Variants in MET observed in about 807,000 individuals in gnomAD.
MET encodes the protein hepatocyte growth factor receptor.
A neutral mutation model predicts 133.1 loss-of-function variants in MET; 48 were observed. The observed-to-expected ratio is 0.36, with a 90% confidence interval of 0.29 to 0.46. MET has a LOEUF of 0.46. Among genes scored for constraint, MET ranks in the 20% least tolerant of loss-of-function variants. The pLI, the probability that MET is intolerant of heterozygous loss-of-function variation, is 1.00. For synonymous variants in MET, 628 were observed against 616.5 expected (o/e 1.02, Z -0.28); for missense variants, 1,442 against 1,695.9 (o/e 0.85, Z 2.63).
intron 2 of MET, among the ~76,000 whole-genome samples, chr7:116,712,969 A>G (rs1233186975): frequency 6.6e-6 from 1 of 152,224 alleles, no homozygotes; most frequent in African/African-American, 2.4e-5. Flanking sequence ...GAGGGACTTT[A>G]CGCAATGCTT....
intron 1 of MET, among the ~76,000 whole-genome samples, chr7:116,675,139 T>C (rs1796112356): frequency 6.6e-6 from 1 of 152,238 alleles, no homozygotes; most frequent in Non-Finnish European, 1.5e-5. Context: ...CTAATGTTAG[T>C]TCAGAATCAC....
chr7:116,687,072 G>T (rs936510159), intron 1 of MET, among the ~76,000 whole-genome samples: 2 of 152,192 alleles, frequency 1.3e-5, no homozygotes, highest in Admixed American at 6.5e-5. Context: ...TCCCAGTCAA[G>T]GGGCAACACC....
Position 116,740,247 on chromosome 7 carries a change from T to C in MET, c.1527+163T>C, listed in dbSNP as rs947084711. ...TTCCAGAGATCTTCTGAAATCTAGT[T>C]AATTTGTTCTCCAAGAAAGACTAGA... On this transcript the variant is annotated intron_variant, in intron 4 of 20. Coordinates refer to ENST00000397752, the MANE Select transcript of MET (RefSeq NM_000245.4). 3 of 817,264 alleles carry C rather than the reference T, an allele frequency of 3.7e-6. No individual in the cohort carries two copies. The African/African-American group carries it at 5.1e-5, about 14-fold the overall frequency. 50.6% of individuals were successfully genotyped at this position (817,264 alleles called of 1,614,324 possible).
intron 1 of MET, among the ~76,000 whole-genome samples, chr7:116,675,657 G>A (rs976929352): frequency 3.3e-5 from 5 of 151,926 alleles, no homozygotes; most frequent in African/African-American, 1.2e-4. Context: ...TTCCATGGAG[G>A]CATCATTAGG....
At chr7:116,711,856 C>T (rs1435274497) in intron 2 of MET, among the ~76,000 whole-genome samples, 2 of 152,280 alleles carry the variant, frequency 1.3e-5, no homozygotes, top group East Asian at 1.9e-4. Context: ...TCCTCCTTCA[C>T]GCCCAGTGAT....
intron 5 of MET, among the ~76,000 whole-genome samples, chr7:116,742,674 A>C (rs1000933222): frequency 7.2e-5 from 11 of 152,224 alleles, no homozygotes; most frequent in Non-Finnish European, 1.6e-4. Flanking sequence ...AATATTTCAG[A>C]ATTTTCTGGA....
chr7:116,736,174 TC>T (rs1435735529), intron 3 of MET, among the ~76,000 whole-genome samples: 1 of 152,154 alleles, frequency 6.6e-6, no homozygotes, highest in African/African-American at 2.4e-5. Flanking sequence ...TTCAGTTATG[TC>T]CATAACTAAA....
chr7:116,781,628 C>T (rs1795157100), intron 17 of MET, among the ~76,000 whole-genome samples: 2 of 152,154 alleles, frequency 1.3e-5, no homozygotes, highest in South Asian at 2.1e-4. Context: ...AGTGCAGTGG[C>T]ACAGTCATAG....
intron 2 of MET, among the ~76,000 whole-genome samples, chr7:116,716,535 A>T (rs1435875772): frequency 2.0e-5 from 3 of 150,800 alleles, no homozygotes; most frequent in Admixed American, 2.0e-4. Context: ...GAAAGAAAGA[A>T]AGAAGATATG....
chr7:116,755,661 G>C, intron 6 of MET, 146 bp downstream of exon 6: 1 of 1,007,956 alleles, frequency 9.9e-7, no homozygotes, highest in East Asian at 2.6e-5. Flanking sequence ...GGTCTGTTCT[G>C]TTTTGTTCTT....
Position 116,678,454 on chromosome 7 carries a change from C to T in MET, c.-15+5877C>T, listed in dbSNP as rs142038039. ...TATGTTTTTTTTTAAAAAAGAATGA[C>T]TTGGGGAATAACTGTTTGATAAGAC... On this transcript the variant is annotated intron_variant, in intron 1 of 20. Coordinates refer to ENST00000397752, the MANE Select transcript of MET (RefSeq NM_000245.4). Among the ~76,000 whole-genome samples, 444 of 151,838 alleles carry T rather than the reference C, an allele frequency of 2.9e-3. 3 individuals carry two copies. Among genetic ancestry groups the T allele is most frequent in the African/African-American group, 0.01 (424 of 41,376 alleles).
At chr7:116,695,472 C>T (rs897627566) in intron 1 of MET, among the ~76,000 whole-genome samples, 10 of 152,158 alleles carry the variant, frequency 6.6e-5, no homozygotes, top group African/African-American at 9.7e-5. Flanking sequence ...AAAATGGTCA[C>T]GTGAGAATAT....
chr7:116,725,089 A>C (rs1320317425), intron 2 of MET, among the ~76,000 whole-genome samples: 1 of 152,144 alleles, frequency 6.6e-6, no homozygotes, highest in African/African-American at 2.4e-5. Flanking sequence ...TGGCCTTCCT[A>C]TGCCTGTACG....
intron 1 of MET, among the ~76,000 whole-genome samples, chr7:116,683,375 GC>G (rs1376924625): frequency 6.6e-6 from 1 of 152,120 alleles, no homozygotes; most frequent in Admixed American, 6.5e-5. Context: ...CCATGTTTCT[GC>G]AAAAGACAGA....
rs570714333 is a variant in MET, at chr7:116,742,025, G to T, written c.1701+1000G>T. Among the ~76,000 whole-genome samples the T allele has an allele frequency of 2.0e-5, 3 of 152,236 alleles. No individual in the cohort carries two copies. The South Asian group carries it at 6.2e-4, about 32-fold the overall frequency. On this transcript the variant is annotated intron_variant, in intron 5 of 20. Coordinates refer to ENST00000397752, the MANE Select transcript of MET (RefSeq NM_000245.4). ...ACATCTTGCTTAAAAACACTTCCCT[G>T]GTGAGAACCCAGTGTGTATTTTTCT...
chr7:116,776,705 C>T (rs567228644), intron 15 of MET, among the ~76,000 whole-genome samples: 31 of 152,324 alleles, frequency 2.0e-4, no homozygotes, highest in African/African-American at 7.2e-4. Context: ...ATGACTTACA[C>T]AGCTATCAGA....
chr7:116,761,668 T>C (rs962850351), intron 10 of MET, among the ~76,000 whole-genome samples: 1 of 152,106 alleles, frequency 6.6e-6, no homozygotes, highest in Non-Finnish European at 1.5e-5. Context: ...AAATTTCTTG[T>C]TATGTAAACA....
chr7:116,737,192 T>C (rs191019243), intron 3 of MET, among the ~76,000 whole-genome samples: 75 of 152,310 alleles, frequency 4.9e-4, no homozygotes, highest in African/African-American at 1.7e-3. Flanking sequence ...TCTTCTCATC[T>C]TCATCCCATT....
chr7:116,768,146 A>G (rs918608179), intron 11 of MET, among the ~76,000 whole-genome samples: 2 of 152,044 alleles, frequency 1.3e-5, no homozygotes, highest in Non-Finnish European at 2.9e-5. Context: ...TTTGTTTTAG[A>G]GAAGCCTTTA....
Sources: allele counts gnomAD v4.1 joint callset (sites outside exome capture counted in the v4.1 genomes callset), GRCh38; gene constraint gnomAD v4.1.1; transcripts MANE v1.5; gene names NCBI Gene and HGNC (gene_info 2026-07-23, HGNC 2026-07-21).